Variants in SORL1 observed in about 807,000 individuals in gnomAD.
The protein encoded by SORL1 is sortilin related receptor 1.
SORL1 carries 127 observed loss-of-function variants against 273.7 expected under a neutral mutation model. That is an observed-to-expected ratio of 0.46 (90% CI 0.40 to 0.54). The LOEUF is 0.54. Ranked by LOEUF, SORL1 falls within the 20% of genes least tolerant of loss-of-function variation. The probability of loss-of-function intolerance (pLI) is 0.00; values close to 1 mark genes in which losing one functional copy is unlikely to be tolerated. For synonymous variants in SORL1, 1,031 were observed against 1,067.4 expected, an observed-to-expected ratio of 0.97 and a Z score of 0.66; for missense variants, 2,494 against 2,846.1, an observed-to-expected ratio of 0.88 and a Z score of 2.81.
intron 45 of SORL1, among the ~76,000 whole-genome samples, chr11:121,623,385 A>G (rs1253403573): frequency 1.3e-5 from 2 of 152,214 alleles, no homozygotes; most frequent in Admixed American, 6.5e-5. Flanking sequence ...AAAAACGTTG[A>G]AAGTGTTCAC....
At chr11:121,597,165 A>T (rs1001692179) in intron 32 of SORL1, among the ~76,000 whole-genome samples, 6 of 152,190 alleles carry the variant, frequency 3.9e-5, no homozygotes, top group Non-Finnish European at 8.8e-5. Context: ...TGTCCTAAAT[A>T]GTTCACCCAG....
At chr11:121,589,428 C>T (rs763896144) in intron 29 of SORL1, 38 bp downstream of exon 29, 2 of 1,609,800 alleles carry the variant, frequency 1.2e-6, no homozygotes, top group South Asian at 2.2e-5. Flanking sequence ...TCCTAATCCT[C>T]TAGTTAACAG....
At chr11:121,469,021 T>A (rs1565302388) in intron 1 of SORL1, among the ~76,000 whole-genome samples, 1 of 152,184 alleles carries the variant, frequency 6.6e-6, no homozygotes, top group Non-Finnish European at 1.5e-5. Flanking sequence ...AGGCTCAGCG[T>A]GTGGCTGAGT....
At chr11:121,495,068 T>G (rs1861608225) in intron 5 of SORL1, among the ~76,000 whole-genome samples, 1 of 152,138 alleles carries the variant, frequency 6.6e-6, no homozygotes, top group Admixed American at 6.5e-5. Flanking sequence ...CTTGCTCCCA[T>G]TGTAAAAAGA....
Position 121,550,692 on chromosome 11 carries a change from C to G in SORL1, c.2266+22C>G, listed in dbSNP as rs757565622. ...GCAGGTAAGAGAGGTGGTTTCTTCC[C>G]TTTCATTTCTTGAGACATGGTTGAA... On this transcript the variant is annotated intron_variant, in intron 16 of 47. Coordinates refer to ENST00000260197, the MANE Select transcript of SORL1 (RefSeq NM_003105.6). The surrounding 1 kb of genome is among the most constrained non-coding windows in gnomAD (Gnocchi z 5.3). 2.5e-6 allele frequency: 4 copies of G among 1,586,604 alleles called. No homozygotes were observed. Among genetic ancestry groups the G allele is most frequent in the Admixed American group, 3.4e-5 (2 of 59,698 alleles).
chr11:121,576,653 C>T (rs1281758892), intron 24 of SORL1: 3 of 882,212 alleles, frequency 3.4e-6, no homozygotes, highest in Non-Finnish European at 4.9e-6. Context: ...AGGCTATTGC[C>T]AGGGCAGCCT....
At chr11:121,553,118 A>G (rs1311786867) in intron 16 of SORL1, among the ~76,000 whole-genome samples, 1 of 152,202 alleles carries the variant, frequency 6.6e-6, no homozygotes, top group Non-Finnish European at 1.5e-5. Context: ...TGGTTAAAGC[A>G]TAGACTCTGG....
intron 8 of SORL1, among the ~76,000 whole-genome samples, chr11:121,519,931 T>G (rs1324292349): frequency 6.6e-6 from 1 of 152,092 alleles, no homozygotes; most frequent in Non-Finnish European, 1.5e-5. Flanking sequence ...ACCCTAAAAG[T>G]TGAAAAGAAA....
intron 6 of SORL1, among the ~76,000 whole-genome samples, chr11:121,504,449 T>C (rs893608038): frequency 5.3e-5 from 8 of 152,212 alleles, no homozygotes; most frequent in Non-Finnish European, 8.8e-5. Context: ...TTTGGCTCCA[T>C]TGTAAATGGT....
intron 43 of SORL1, among the ~76,000 whole-genome samples, chr11:121,620,154 C>T (rs529119128): frequency 2.6e-5 from 4 of 152,210 alleles, no homozygotes; most frequent in African/African-American, 4.8e-5. Context: ...CTTTCTCCTC[C>T]GCTGCTGATA....
intron 1 of SORL1, among the ~76,000 whole-genome samples, chr11:121,463,717 C>A (rs1229846895): frequency 6.6e-6 from 1 of 152,182 alleles, no homozygotes; most frequent in Non-Finnish European, 1.5e-5. Flanking sequence ...TGAGCAAACT[C>A]AAAAGTCAAG....
At chr11:121,588,862 T>C (rs541977556) in intron 28 of SORL1, among the ~76,000 whole-genome samples, 1 of 152,308 alleles carries the variant, frequency 6.6e-6, no homozygotes, top group East Asian at 1.9e-4. Flanking sequence ...CTTTCCTCTG[T>C]ACACATCTGT....
At chr11:121,515,213 T>C (rs750731699) in intron 8 of SORL1, among the ~76,000 whole-genome samples, 3 of 152,228 alleles carry the variant, frequency 2.0e-5, no homozygotes, top group Non-Finnish European at 2.9e-5. Context: ...CAATAAAATA[T>C]CAGAACAAAG....
intron 18 of SORL1, among the ~76,000 whole-genome samples, chr11:121,556,181 T>C (rs942466376): frequency 1.1e-4 from 16 of 152,176 alleles, no homozygotes; most frequent in African/African-American, 3.4e-4. Context: ...ATACATGTGG[T>C]TTAGGTTCTG....
chr11:121,591,612 T>C (rs1237719593), intron 31 of SORL1, among the ~76,000 whole-genome samples: 3 of 152,118 alleles, frequency 2.0e-5, no homozygotes, highest in African/African-American at 7.2e-5. Flanking sequence ...GTGGCTAAAC[T>C]CAAAGAGGCA....
chr11:121,486,604 C>T (rs550189735), intron 3 of SORL1, among the ~76,000 whole-genome samples: 7 of 151,966 alleles, frequency 4.6e-5, no homozygotes, highest in South Asian at 2.1e-4. Context: ...CTCAGCCTCC[C>T]GAGTAGCTGG....
At chr11:121,583,822 C>G (rs1863051514) in intron 26 of SORL1, among the ~76,000 whole-genome samples, 4 of 152,190 alleles carry the variant, frequency 2.6e-5, no homozygotes, top group Non-Finnish European at 5.9e-5. Flanking sequence ...ATATAAAATG[C>G]TGCCACGTAA....
intron 39 of SORL1, 66 bp downstream of exon 39, chr11:121,611,224 T>C: frequency 9.0e-7 from 1 of 1,112,940 alleles, no homozygotes; most frequent in Non-Finnish European, 1.4e-6. Context: ...TGAAAGGACA[T>C]AGCACAGTAA....
intron 47 of SORL1, 43 bp from the exon 48 acceptor site, chr11:121,629,453 A>G: frequency 9.9e-7 from 1 of 1,012,200 alleles, no homozygotes; most frequent in Non-Finnish European, 1.6e-6. Context: ...GGTCAGGTGA[A>G]AATGTGTTGG....
Sources: gnomAD v4.1 joint callset for allele counts (sites outside exome capture counted in the v4.1 genomes callset) on GRCh38, gnomAD v4.1.1 for gene constraint, Gnocchi (gnomAD v3.1) non-coding constraint, MANE v1.5 for transcripts, NCBI Gene and HGNC (gene_info 2026-07-23, HGNC 2026-07-21) for gene names.